Variants in SLC1A6 observed in about 807,000 individuals in gnomAD.
SLC1A6 encodes the protein excitatory amino acid transporter 4.
A neutral mutation model predicts 42.1 loss-of-function variants in SLC1A6; 15 were observed. That is an observed-to-expected ratio of 0.36 (90% CI 0.24 to 0.55). SLC1A6 has a LOEUF of 0.55. SLC1A6 is among the 20% of genes least tolerant of loss of function. The pLI, the probability that SLC1A6 is intolerant of heterozygous loss-of-function variation, is 0.88. For synonymous variants in SLC1A6, 317 were observed against 319.7 expected, an observed-to-expected ratio of 0.99 and a Z score of 0.09; for missense variants, 542 against 772.5, an observed-to-expected ratio of 0.70 and a Z score of 3.54.
rs56317513 is a variant in SLC1A6, at chr19:14,979,050, TCA to T, written c.-8+257_-8+258del. Among the ~76,000 whole-genome samples, 12,918 of 131,082 alleles carry T rather than the reference TCA, an allele frequency of 0.099. 684 individuals carry two copies. Among genetic ancestry groups the T allele is most frequent in the Middle Eastern group, 0.1 (27 of 258 alleles). The allele number at this position is 131,082 out of a possible 152,430, so 86.0% of individuals were successfully genotyped here. On this transcript the variant is annotated intron_variant, in intron 1 of 9. Coordinates refer to ENST00000594383, the MANE Select transcript of SLC1A6 (RefSeq NM_005071.3). This position sits in a 1 kb window ranked among gnomAD's most constrained non-coding sequence, Gnocchi z 4.2. ...CAAATTCAGTCTCTCTCTCTCTCTG[TCA>T]CACACACACACACACACACACACAC...
intron 1 of SLC1A6, among the ~76,000 whole-genome samples, chr19:14,986,356 A>G (rs1600028339): frequency 6.6e-6 from 1 of 151,742 alleles, no homozygotes; most frequent in East Asian, 2.0e-4. Context: ...CGTCTCTACT[A>G]AAAATACAAA....
chr19:14,970,974 CA>C (rs893253984), intron 3 of SLC1A6, among the ~76,000 whole-genome samples: 15 of 152,076 alleles, frequency 9.9e-5, no homozygotes, highest in African/African-American at 3.6e-4. Context: ...TACTAAAATA[CA>C]AAAAATTAGC....
chr19:14,996,755 A>G (rs932931282), intron 1 of SLC1A6, among the ~76,000 whole-genome samples: 1 of 152,062 alleles, frequency 6.6e-6, no homozygotes, highest in African/African-American at 2.4e-5. Flanking sequence ...CAGATGCTCA[A>G]TAAACATTTG....
chr19:14,982,163 T>G (rs1309721366), upstream of SLC1A6, among the ~76,000 whole-genome samples: 1 of 151,912 alleles, frequency 6.6e-6, no homozygotes, highest in African/African-American at 2.4e-5. Flanking sequence ...TAATGTGAGA[T>G]CCTAGAAAAG....
rs1320947371 is a variant in SLC1A6 at position 14,979,855 on chromosome 19, GA to G, written c.-555del. 1 of 151,818 alleles carries G rather than the reference GA, an allele frequency of 6.6e-6. No homozygotes were observed. Among genetic ancestry groups the G allele is most frequent in the Non-Finnish European group, 1.5e-5 (1 of 67,900 alleles). 9.4% of individuals were successfully genotyped at this position (151,818 alleles called of 1,614,324 possible). On this transcript the variant is annotated 5_prime_UTR_variant, in exon 1 of 10. Transcript: ENST00000594383. The surrounding 1 kb of genome is among the most constrained non-coding windows in gnomAD (Gnocchi z 4.2). ...AAGGGGGACAGCGTGCTTGCGAAGG[GA>G]GGGGGACTGGGGGTGGGCGGGGGTG...
intron 1 of SLC1A6, among the ~76,000 whole-genome samples, chr19:14,989,450 G>A (rs1013730038): frequency 1.3e-5 from 2 of 151,636 alleles, no homozygotes; most frequent in East Asian, 2.0e-4. Context: ...TAGTAGAGAC[G>A]GGGTTTCTCC....
intron 1 of SLC1A6, among the ~76,000 whole-genome samples, chr19:14,999,813 G>A (rs577725979): frequency 3.3e-5 from 5 of 152,146 alleles, no homozygotes; most frequent in African/African-American, 1.2e-4. Context: ...AATTACATGA[G>A]ATAGTCAACA....
In SLC1A6 at chr19:14,950,260, TG is replaced by T; in HGVS notation, c.1629del (p.Tyr543Ter). On this transcript the variant is annotated frameshift_variant, in exon 10 of 10. Transcript: ENST00000594383. LOFTEE classifies it high-confidence loss of function. ...ELTLPSLGKPYKSLMAQEKGA... is the reference protein window; with the variant it reads ...ELTLPSLGKPXKSLMAQEKGA... ...CCCTTCTCCTGTGCCATGAGGGACT[TG>T]TAGGGTTTCCCCAGGCTGGGGAGGG... 6.2e-7 allele frequency: 1 copy of T among 1,611,262 alleles called. No homozygotes were observed. Among genetic ancestry groups the T allele is most frequent in the Non-Finnish European group, 8.5e-7 (1 of 1,178,300 alleles).
chr19:14,964,429 A>C, intron 4 of SLC1A6, 68 bp from the exon 5 acceptor site: 2 of 1,258,466 alleles, frequency 1.6e-6, no homozygotes, highest in Non-Finnish European at 2.3e-6. Context: ...GATAACAGTA[A>C]TACTAACACC....
intron 1 of SLC1A6, among the ~76,000 whole-genome samples, chr19:15,009,948 G>A (rs1362549864): frequency 6.6e-6 from 1 of 152,106 alleles, no homozygotes; most frequent in East Asian, 1.9e-4. Context: ...GGGAGGCCGA[G>A]GCAGGAGAAT....
chr19:14,991,718 C>G (rs1271972002), intron 1 of SLC1A6, among the ~76,000 whole-genome samples: 1 of 150,510 alleles, frequency 6.6e-6, no homozygotes, highest in Non-Finnish European at 1.5e-5. Context: ...TAAAGAGAAA[C>G]AATATTTCAA....
Position 15,001,622 on chromosome 19 carries a change from C to T in SLC1A6, c.6+8863G>A, listed in dbSNP as rs1487306570. Among the ~76,000 whole-genome samples the T allele has an allele frequency of 3.9e-5, 6 of 152,142 alleles. No homozygotes were observed. In the East Asian group the frequency reaches 7.7e-4, roughly 20 times the overall value. On this transcript the variant is annotated intron_variant, in intron 1 of 8. Coordinates refer to the SLC1A6 transcript ENST00000430939. ...GCCATTCTAAACCTGAGGTTCACTT[C>T]ACTGAACCCACCTATTGGTTGTAAA...
chr19:14,981,237 G>A (rs140347971), upstream of SLC1A6, among the ~76,000 whole-genome samples: 1 of 151,760 alleles, frequency 6.6e-6, no homozygotes, highest in East Asian at 1.9e-4. Flanking sequence ...AGGTTACAGT[G>A]AGCTATGATT....
chr19:14,951,811 C>T lies in SLC1A6; in HGVS notation c.1499+1117G>A, dbSNP rs137879438. On this transcript the variant is annotated intron_variant, in intron 9 of 9. Transcript: ENST00000594383. ...GGGATTACAGGCGTGAGCCACCACA[C>T]CCGGCCTGTTTTTGTGTTTTTGAAA... 2.8e-3 allele frequency among the ~76,000 whole-genome samples: 417 copies of T among 150,838 alleles called. 8 individuals are homozygous for T. In the East Asian group the frequency reaches 0.049, roughly 18 times the overall value.
chr19:14,969,727 C>G (rs117861489), intron 3 of SLC1A6, among the ~76,000 whole-genome samples: 1,994 of 152,344 alleles, frequency 0.013, 19 homozygotes, highest in Middle Eastern at 0.024. Context: ...TCTTCCCCAT[C>G]CCCAAATCCA....
intron 1 of SLC1A6, among the ~76,000 whole-genome samples, chr19:15,005,206 G>A (rs924544016): frequency 6.7e-6 from 1 of 149,340 alleles, no homozygotes; most frequent in Non-Finnish European, 1.5e-5. Context: ...GTTGCAGTGA[G>A]CCATGATGGT....
At chr19:14,967,365 C>T (rs1392103890) in intron 4 of SLC1A6, among the ~76,000 whole-genome samples, 1 of 152,132 alleles carries the variant, frequency 6.6e-6, no homozygotes, top group African/African-American at 2.4e-5. Context: ...AAAAGTAACA[C>T]CTAAGCCACC....
At chr19:14,961,960 A>G in intron 6 of SLC1A6, 42 bp downstream of exon 6, 1 of 1,560,894 alleles carries the variant, frequency 6.4e-7, no homozygotes, top group Non-Finnish European at 8.7e-7. Flanking sequence ...CTGACTTCCC[A>G]GCTCTGGCTC....
At chr19:15,008,831 A>G (rs929902816) in intron 1 of SLC1A6, among the ~76,000 whole-genome samples, 3 of 131,706 alleles carry the variant, frequency 2.3e-5, no homozygotes, top group Non-Finnish European at 4.7e-5. Context: ...CTAAAAAAAC[A>G]AAAATAATTC....
Sources: allele counts gnomAD v4.1 joint callset (sites outside exome capture counted in the v4.1 genomes callset), GRCh38; gene constraint gnomAD v4.1.1; non-coding constraint Gnocchi (gnomAD v3.1); transcripts MANE v1.5; gene names NCBI Gene and HGNC (gene_info 2026-07-23, HGNC 2026-07-21).